Variants in SEMA4D observed in about 807,000 individuals in gnomAD.
The protein encoded by SEMA4D is semaphorin 4D, also known as semaphorin-4D.
Under a neutral mutation model 74.8 loss-of-function variants are expected in SEMA4D, and 22 were observed. The observed-to-expected ratio is 0.29, with a 90% CI of 0.21 to 0.42. The LOEUF (loss-of-function observed/expected upper bound fraction) is 0.42, where lower values mean the gene tolerates loss of function less well. SEMA4D is among the 10% of genes least tolerant of loss of function. The probability of loss-of-function intolerance (pLI) is 1.00; values close to 1 mark genes in which losing one functional copy is unlikely to be tolerated. For synonymous variants in SEMA4D, 445 were observed against 463.7 expected (o/e 0.96, Z 0.52); for missense variants, 937 against 1,118.4 (o/e 0.84, Z 2.31).
In SEMA4D at chr9:89,370,808, G is replaced by A. The variant is rs556796069; in HGVS notation, c.1882+6025C>T. ...GGGGTGTATGTGTGGGGTGTGGCAT[G>A]TGTGTGGGTGTGGTGTGTGTCTGGG... On this transcript the variant is annotated intron_variant, in intron 16 of 18. Transcript: ENST00000339861. Among the ~76,000 whole-genome samples, 521 of 145,712 alleles carry A rather than the reference G, an allele frequency of 3.6e-3. 1 individual carries two copies. The highest frequency in any genetic ancestry group is 0.011 in the African/African-American group (421 of 39,270).
chr9:89,372,191 T>G (rs1347253572), intron 16 of SEMA4D, among the ~76,000 whole-genome samples: 2 of 49,464 alleles, frequency 4.0e-5, no homozygotes, highest in African/African-American at 8.9e-5. Flanking sequence ...GTGGTGTGTG[T>G]GGGGGGTGTG....
intron 2 of SEMA4D, chr9:89,450,687 A>AAAAAAAAAAAAAAAAAAAAAAAT: frequency 1.0e-6 from 1 of 982,322 alleles, no homozygotes; most frequent in Non-Finnish European, 1.5e-6. Context: ...AAAAAAAAAA[A>AAAAAAAAAAAAAAAAAAAAAAAT]GGCCTCCAAG....
chr9:89,430,363 C>A (rs1412883059), intron 2 of SEMA4D, among the ~76,000 whole-genome samples: 2 of 152,154 alleles, frequency 1.3e-5, no homozygotes, highest in Admixed American at 1.3e-4. Flanking sequence ...GAGTTAGATG[C>A]CCTCCAAGCT....
chr9:89,388,955 G>A lies in SEMA4D; in HGVS notation c.867C>T (p.Val289=), dbSNP rs1359568137. ...LICSRPDSGL[V]FNVLRDVFVL... ...CGAAGACATCCCGCAGCACATTGAA[G>A]ACCAAGCCGCTGTCTGGCCGGGAGC... Residue 289 remains valine (V), a synonymous_variant, in exon 10 of 16, where the codon GTC becomes GTT. Transcript: ENST00000422704. The A allele has an allele frequency of 1.2e-6, 2 of 1,614,124 alleles. No individual in the cohort carries two copies. Among genetic ancestry groups the A allele is most frequent in the Admixed American group, 1.7e-5 (1 of 60,034 alleles).
chr9:89,454,039 A>G (rs1307847407), intron 2 of SEMA4D, among the ~76,000 whole-genome samples: 1 of 151,994 alleles, frequency 6.6e-6, no homozygotes, highest in Non-Finnish European at 1.5e-5. Flanking sequence ...TTGTATTTTT[A>G]GTAGAGACAG....
At chr9:89,427,685 G>A (rs1019221360) in intron 2 of SEMA4D, among the ~76,000 whole-genome samples, 4 of 152,214 alleles carry the variant, frequency 2.6e-5, no homozygotes, top group Admixed American at 2.0e-4. Flanking sequence ...AAGTGCCCAA[G>A]CCTACGGGGC....
chr9:89,454,418 C>A (rs1341904844), intron 2 of SEMA4D, among the ~76,000 whole-genome samples: 2 of 152,212 alleles, frequency 1.3e-5, no homozygotes, highest in Admixed American at 6.5e-5. Context: ...ATGGTCAGCC[C>A]CCCCCAGATT....
intron 1 of SEMA4D, among the ~76,000 whole-genome samples, chr9:89,488,517 C>T (rs1296848599): frequency 3.3e-5 from 5 of 151,888 alleles, no homozygotes; most frequent in Non-Finnish European, 5.9e-5. Context: ...GGATTACATA[C>T]GTGCACCATC....
At chr9:89,471,944 G>A (rs1419009532) in intron 1 of SEMA4D, among the ~76,000 whole-genome samples, 1 of 151,818 alleles carries the variant, frequency 6.6e-6, no homozygotes, top group Non-Finnish European at 1.5e-5. Flanking sequence ...CAGCTCAGGT[G>A]CACACCAACT....
At chr9:89,449,868 G>A in intron 2 of SEMA4D, 1 of 1,501,746 alleles carries the variant, frequency 6.7e-7, no homozygotes, top group South Asian at 1.1e-5. Flanking sequence ...CAAGGAAGGT[G>A]ACTTGGTAAA....
chr9:89,456,185 G>A (rs1855887101), intron 1 of SEMA4D, among the ~76,000 whole-genome samples: 1 of 152,172 alleles, frequency 6.6e-6, no homozygotes, highest in Admixed American at 6.5e-5. Flanking sequence ...TGGGAGGGAG[G>A]CATCATCTGC....
At chr9:89,485,225 T>A (rs947162328) in intron 1 of SEMA4D, among the ~76,000 whole-genome samples, 2 of 152,158 alleles carry the variant, frequency 1.3e-5, no homozygotes, top group Non-Finnish European at 2.9e-5. Context: ...TCACAAACTG[T>A]TCTTAACACA....
chr9:89,469,568 A>T (rs12554742), intron 1 of SEMA4D, among the ~76,000 whole-genome samples: 1 of 152,234 alleles, frequency 6.6e-6, no homozygotes, highest in Non-Finnish European at 1.5e-5. Context: ...AAAATAATGC[A>T]CCACAGCCCA....
intron 8 of SEMA4D, 85 bp from the exon 9 acceptor site, chr9:89,391,500 A>AC (rs1330384579): frequency 2.4e-5 from 33 of 1,381,558 alleles, no homozygotes; most frequent in South Asian, 2.3e-4. Context: ...GGCCAACACT[A>AC]CCTTGGGGGC....
intron 2 of SEMA4D, among the ~76,000 whole-genome samples, chr9:89,453,792 C>T (rs991124273): frequency 6.6e-6 from 1 of 152,138 alleles, no homozygotes; most frequent in Non-Finnish European, 1.5e-5. Context: ...GGCCACTTCA[C>T]GCTGGGAAAA....
intron 1 of SEMA4D, chr9:89,472,324 G>C (rs969177287): frequency 4.6e-6 from 2 of 438,430 alleles, no homozygotes; most frequent in Admixed American, 4.9e-5. Flanking sequence ...AGGAGGAGGA[G>C]ATGGCAAAGT....
At chr9:89,421,969 C>T (rs542169049) in intron 2 of SEMA4D, among the ~76,000 whole-genome samples, 4 of 152,182 alleles carry the variant, frequency 2.6e-5, no homozygotes, top group African/African-American at 4.8e-5. Context: ...ATTCGAATTC[C>T]TTCCTTAATC....
intron 1 of SEMA4D, among the ~76,000 whole-genome samples, chr9:89,457,747 A>G (rs1856280886): frequency 6.6e-6 from 1 of 151,388 alleles, no homozygotes; most frequent in Non-Finnish European, 1.5e-5. Context: ...AATAAACAAA[A>G]AACAGGCCAG....
At chr9:89,397,822 G>T (rs571806563) in intron 5 of SEMA4D, among the ~76,000 whole-genome samples, 2 of 152,292 alleles carry the variant, frequency 1.3e-5, no homozygotes, top group Admixed American at 1.3e-4. Flanking sequence ...CTTTAACTCA[G>T]CTTGTCTTGA....
Sources: allele counts gnomAD v4.1 joint callset (sites outside exome capture counted in the v4.1 genomes callset), GRCh38; gene constraint gnomAD v4.1.1; transcripts MANE v1.5; gene names NCBI Gene and HGNC (gene_info 2026-07-23, HGNC 2026-07-21).